Variants in MASP1 observed in about 807,000 individuals in gnomAD.
The protein encoded by MASP1 is MBL associated serine protease 1.
Under a neutral mutation model 77.1 loss-of-function variants are expected in MASP1, and 59 were observed. The ratio of observed to expected loss-of-function variants is 0.77; its 90% CI spans 0.62 to 0.95. The LOEUF (loss-of-function observed/expected upper bound fraction) is 0.95. MASP1 is among the 40% of genes least tolerant of loss of function. MASP1 has a pLI of 0.00. For missense variants in MASP1, 885 were observed against 912.9 expected, an observed-to-expected ratio of 0.97 and a Z score of 0.39; for synonymous variants, 362 against 354.5, an observed-to-expected ratio of 1.02 and a Z score of -0.24.
At chr3:187,247,354 C>T (rs748963037) in intron 8 of MASP1, 2 of 1,613,884 alleles carry the variant, frequency 1.2e-6, no homozygotes, top group African/African-American at 1.3e-5. Context: ...CTTGCTCTGA[C>T]TTGAGTTCGC....
intron 2 of MASP1, chr3:187,262,981 T>A: frequency 2.2e-6 from 1 of 455,054 alleles, no homozygotes; most frequent in Non-Finnish European, 3.9e-6. Context: ...ACCAAGCAGC[T>A]TATTTATTAA....
chr3:187,276,681 C>T (rs1202777722), intron 2 of MASP1: 2 of 152,206 alleles, frequency 1.3e-5, no homozygotes, highest in African/African-American at 4.8e-5. Flanking sequence ...ATAAAATGAG[C>T]TTTCATTACA....
intron 1 of MASP1, among the ~76,000 whole-genome samples, chr3:187,290,661 A>G (rs1718237987): frequency 6.6e-6 from 1 of 152,226 alleles, no homozygotes; most frequent in African/African-American, 2.4e-5. Flanking sequence ...CAGGTCCAGA[A>G]AAGTTGCTAG....
chr3:187,246,034 G>T (rs943788181), intron 8 of MASP1, among the ~76,000 whole-genome samples: 1 of 152,060 alleles, frequency 6.6e-6, no homozygotes, highest in Non-Finnish European at 1.5e-5. Flanking sequence ...CCCACCCTCC[G>T]AACACCAGCT....
At chr3:187,281,107 G>A (rs986257547) in intron 2 of MASP1, among the ~76,000 whole-genome samples, 2 of 152,196 alleles carry the variant, frequency 1.3e-5, no homozygotes, top group Non-Finnish European at 1.5e-5. Flanking sequence ...GCCTTGATTC[G>A]TATGCCTCAT....
At chr3:187,233,043 C>T (rs1712865396), downstream of MASP1, among the ~76,000 whole-genome samples, 1 of 152,148 alleles carries the variant, frequency 6.6e-6, no homozygotes. Context: ...TCGATTTAAA[C>T]TGCCCCTCCT....
At position 187,243,611 on chromosome 3, in the gene MASP1, A is replaced by G. The variant is rs776961599; in HGVS notation, c.1101T>C (p.Cys367=). 1 of 1,614,186 alleles carries G rather than the reference A, an allele frequency of 6.2e-7. No individual in the cohort carries two copies. The highest frequency in any genetic ancestry group is 1.1e-5 in the South Asian group (1 of 91,080). ...NKIPTCKIVD[C]RAPGELEHGL... is the part of the protein sequence containing the mutation. Reference sequence around the variant, plus strand: ...CGTGTTCCAGCTCTCCTGGGGCTCTACAGTCTACAACTGAGAGAGAAGAAG... The same window carrying G: ...CGTGTTCCAGCTCTCCTGGGGCTCTGCAGTCTACAACTGAGAGAGAAGAAG... The change falls in exon 9 of 11, where the codon TGT becomes TGC. Residue 367 remains cysteine, a synonymous_variant. Transcript: ENST00000296280.
chr3:187,262,629 G>C lies in MASP1; in HGVS notation c.329C>G (p.Pro110Arg). ...QTPGQEVVLS[P>R]GSFMSITFRS... ...GAAAGTGATGGACATGAAGGAGCCA[G>C]GGGAGAGGACCACCTCCTGGCCGGG... The change falls in exon 3 of 11, where the codon CCT becomes CGT. Residue 110 changes from proline to arginine, a missense_variant. Physicochemically the swap from Pro to Arg is moderately radical, Grantham distance 103. Transcript: ENST00000296280. The C allele has an allele frequency of 6.2e-7, 1 of 1,614,160 alleles. No individual in the cohort carries two copies. The highest frequency in any genetic ancestry group is 8.5e-7 in the Non-Finnish European group (1 of 1,180,022).
downstream of MASP1, among the ~76,000 whole-genome samples, chr3:187,231,509 GC>G (rs1447984137): frequency 2.0e-5 from 3 of 152,214 alleles, no homozygotes; most frequent in African/African-American, 7.2e-5. Flanking sequence ...GAAATAGGCA[GC>G]CATTTGAATA....
In MASP1 at chr3:187,225,010, A is replaced by G. The variant is rs549909925; in HGVS notation, c.1741+314T>C. Among the ~76,000 whole-genome samples the G allele has an allele frequency of 2.6e-5, 4 of 152,224 alleles. No homozygotes were observed. In the East Asian group the frequency reaches 7.7e-4, roughly 29 times the overall value. On this transcript the variant is annotated intron_variant, in intron 13 of 15. Coordinates refer to the MASP1 transcript ENST00000337774. ...TTGGTGGTTTCTTCCTGCAGGTACC[A>G]TCTCTATGATCTCAGCTCTTCCCTC...
intron 4 of MASP1, among the ~76,000 whole-genome samples, chr3:187,257,301 T>G (rs1206156961): frequency 6.6e-6 from 1 of 152,230 alleles, no homozygotes; most frequent in African/African-American, 2.4e-5. Context: ...GTCTTTGTTT[T>G]GTTTTTCTTT....
intron 8 of MASP1, chr3:187,247,092 T>G: frequency 7.4e-7 from 1 of 1,351,834 alleles, no homozygotes; most frequent in Non-Finnish European, 9.5e-7. Flanking sequence ...AAATCCCACA[T>G]TTTTTTTTCA....
chr3:187,244,932 T>C (rs1300259128), intron 8 of MASP1: 5 of 152,260 alleles, frequency 3.3e-5, no homozygotes, highest in African/African-American at 1.2e-4. Context: ...CAAATTCATC[T>C]TTTTGATTAG....
At chr3:187,280,191 T>C (rs112347770) in intron 2 of MASP1, among the ~76,000 whole-genome samples, 590 of 152,222 alleles carry the variant, frequency 3.9e-3, no homozygotes, top group Non-Finnish European at 6.3e-3. Flanking sequence ...GCTATTACAA[T>C]AGACTAGTTG....
chr3:187,236,922 T>A (rs1713235297), intron 10 of MASP1, among the ~76,000 whole-genome samples: 1 of 152,168 alleles, frequency 6.6e-6, no homozygotes, highest in Non-Finnish European at 1.5e-5. Flanking sequence ...TCCCCTTCCT[T>A]CTCTAGAAAG....
chr3:187,225,604 T>A, intron 12 of MASP1: 1 of 1,319,766 alleles, frequency 7.6e-7, no homozygotes, highest in South Asian at 1.2e-5. Context: ...CATCCAGCCC[T>A]TGCTTCCAGC....
downstream of MASP1, among the ~76,000 whole-genome samples, chr3:187,230,725 C>T (rs1712716728): frequency 6.6e-6 from 1 of 152,200 alleles, no homozygotes; most frequent in Non-Finnish European, 1.5e-5. Flanking sequence ...CGGAGACCAT[C>T]TGGTCTATAC....
intron 12 of MASP1, chr3:187,225,588 C>T: frequency 7.1e-7 from 1 of 1,405,512 alleles, no homozygotes. Context: ...GCCCCCGCCC[C>T]AGCCCCATCC....
At chr3:187,262,460 A>G in intron 3 of MASP1, 83 bp downstream of exon 3, 2 of 1,363,246 alleles carry the variant, frequency 1.5e-6, no homozygotes, top group East Asian at 2.3e-5. Context: ...ACAGATTTCC[A>G]TCGTAAAGGA....
Sources: gnomAD v4.1 joint callset for allele counts (sites outside exome capture counted in the v4.1 genomes callset) on GRCh38, gnomAD v4.1.1 for gene constraint, MANE v1.5 for transcripts, NCBI Gene and HGNC (gene_info 2026-07-23, HGNC 2026-07-21) for gene names.